The following BAZ1A variants were observed in gnomAD, a reference collection of about 807,000 sequenced individuals.
The protein encoded by BAZ1A is bromodomain adjacent to zinc finger domain protein 1A.
In BAZ1A, 50 loss-of-function variants were observed where a neutral mutation model predicts 185.2. The observed-to-expected ratio is 0.27, with a 90% CI of 0.22 to 0.34. The LOEUF is 0.34. Among genes scored for constraint, BAZ1A ranks in the 10% least tolerant of loss-of-function variants. BAZ1A has a pLI of 1.00. For synonymous variants in BAZ1A, 571 were observed against 615.6 expected (o/e 0.93, Z 1.07); for missense variants, 1,356 against 1,839.9 (o/e 0.74, Z 4.81).
In BAZ1A at chr14:34,794,738, A is replaced by G; in HGVS notation, c.1363+11T>C. On this transcript the variant is annotated intron_variant, in intron 11 of 26. Coordinates refer to ENST00000360310, the MANE Select transcript of BAZ1A (RefSeq NM_013448.3). ...AACTATAATGTAGCAATAGATAACT[A>G]AAGCACTTGCCTAGGGTTACTCCAT... 6.2e-7 allele frequency: 1 copy of G among 1,604,292 alleles called. No homozygotes were observed. Among genetic ancestry groups the G allele is most frequent in the African/African-American group, 1.3e-5 (1 of 74,254 alleles).
chr14:34,773,292 C>G (rs1024463190), intron 20 of BAZ1A, among the ~76,000 whole-genome samples: 1 of 151,594 alleles, frequency 6.6e-6, no homozygotes, highest in Non-Finnish European at 1.5e-5. Context: ...AATTACTTTC[C>G]AAAATTAATA....
chr14:34,788,542 G>A (rs1030179968), intron 12 of BAZ1A, among the ~76,000 whole-genome samples: 1 of 152,022 alleles, frequency 6.6e-6, no homozygotes, highest in Non-Finnish European at 1.5e-5. Context: ...GAGCTCAACT[G>A]ATCCATCTGC....
intron 3 of BAZ1A, among the ~76,000 whole-genome samples, chr14:34,832,215 C>CACACACACACACACACACATATAT: frequency 7.8e-5 from 7 of 89,668 alleles, no homozygotes; most frequent in Non-Finnish European, 1.2e-4. Context: ...CACACACACA[C>CACACACACACACACACACATATAT]ATATATATAT....
At chr14:34,843,065 C>T (rs935574288) in intron 3 of BAZ1A, among the ~76,000 whole-genome samples, 1 of 150,172 alleles carries the variant, frequency 6.7e-6, no homozygotes, top group African/African-American at 2.5e-5. Context: ...CCTAAAATGA[C>T]ATACAGCAAG....
At chr14:34,864,862 C>T (rs1457687817) in intron 2 of BAZ1A, among the ~76,000 whole-genome samples, 2 of 151,654 alleles carry the variant, frequency 1.3e-5, no homozygotes, top group Non-Finnish European at 2.9e-5. Flanking sequence ...CTGCAACCTC[C>T]GCCTCCCAGG....
At chr14:34,829,098 T>C (rs1027569328) in intron 3 of BAZ1A, among the ~76,000 whole-genome samples, 1 of 152,000 alleles carries the variant, frequency 6.6e-6, no homozygotes, top group African/African-American at 2.4e-5. Context: ...AAACCCTGTC[T>C]CTACTAAAAA....
intron 4 of BAZ1A, among the ~76,000 whole-genome samples, chr14:34,818,926 GGTCAGGAGATCGAGAC>G (rs1187773142): frequency 6.6e-6 from 1 of 151,986 alleles, no homozygotes; most frequent in Non-Finnish European, 1.5e-5. Flanking sequence ...CGGATCACGA[GGTCAGGAGATCGAGAC>G]CATCCTGGCT....
intron 24 of BAZ1A, among the ~76,000 whole-genome samples, chr14:34,759,441 T>C (rs967859850): frequency 6.6e-6 from 1 of 152,044 alleles, no homozygotes; most frequent in Non-Finnish European, 1.5e-5. Context: ...CCTCGTGATC[T>C]GCCCGCCTCG....
At chr14:34,844,777 GCACA>G (rs4007479) in intron 3 of BAZ1A, among the ~76,000 whole-genome samples, 18,416 of 86,518 alleles carry the variant, frequency 0.21, 1,305 homozygotes, top group Non-Finnish European at 0.3. Flanking sequence ...ACACACACGC[GCACA>G]CACACACACA....
intron 12 of BAZ1A, among the ~76,000 whole-genome samples, chr14:34,788,563 C>A (rs1251477437): frequency 1.3e-5 from 2 of 152,072 alleles, no homozygotes; most frequent in Non-Finnish European, 2.9e-5. Context: ...CCTGGCTTCC[C>A]GAAGTGCCAG....
At chr14:34,872,941 A>AAACAAAAACAAAAACAAAAACAAC (rs1555346584) in intron 2 of BAZ1A, among the ~76,000 whole-genome samples, 1 of 122,620 alleles carries the variant, frequency 8.2e-6, no homozygotes, top group Non-Finnish European at 1.7e-5. Context: ...AAAAAAAAAA[A>AAACAAAAACAAAAACAAAAACAAC]CTTGTCCAAT....
At chr14:34,768,865 G>C (rs1879029231) in intron 21 of BAZ1A, 1 of 257,290 alleles carries the variant, frequency 3.9e-6, no homozygotes, top group Admixed American at 5.1e-5. Flanking sequence ...AAAAATAACA[G>C]AATTATCAAT....
intron 4 of BAZ1A, among the ~76,000 whole-genome samples, chr14:34,824,518 T>C (rs2042137882): frequency 6.6e-6 from 1 of 151,566 alleles, no homozygotes; most frequent in Non-Finnish European, 1.5e-5. Flanking sequence ...GCTAGTTAGA[T>C]GACCTTGTAC....
Position 34,874,701 on chromosome 14 carries a change from G to A in BAZ1A, c.-58-39C>T. ...AGGGAAAGGAAAGCCGGTAAGGTGG[G>A]GAGCCCTCGGCGGCAGCGTGGGCCG... is the stretch of plus-strand genomic sequence containing the variant. On this transcript the variant is annotated intron_variant, in intron 1 of 26. Transcript: ENST00000360310. This position sits in a 1 kb window ranked among gnomAD's most constrained non-coding sequence, Gnocchi z 4.7. 1 of 1,067,306 alleles carries A rather than the reference G, an allele frequency of 9.4e-7. No homozygotes were observed. The highest frequency in any genetic ancestry group is 1.3e-6 in the Non-Finnish European group (1 of 752,402). 66.1% of individuals were successfully genotyped at this position (1,067,306 alleles called of 1,614,324 possible).
At position 34,874,231 on chromosome 14, in the gene BAZ1A, A is replaced by C; in HGVS notation, c.113+261T>G. The C allele has an allele frequency of 2.5e-5, 10 of 398,396 alleles. No homozygotes were observed. The highest frequency in any genetic ancestry group is 5.6e-5 in the East Asian group (1 of 17,722). 24.7% of individuals were successfully genotyped at this position (398,396 alleles called of 1,614,324 possible). On this transcript the variant is annotated intron_variant, in intron 2 of 26. Transcript: ENST00000360310. The surrounding 1 kb of genome is among the most constrained non-coding windows in gnomAD (Gnocchi z 4.7). ...GGGCGGGAGGGCGACAGCAGCGGCT[A>C]GGAGCGGTCCCCGAGGCCGGCCAGG... is the stretch of plus-strand genomic sequence containing the variant.
In BAZ1A at chr14:34,861,281, G is replaced by A. The variant is rs560806378; in HGVS notation, c.392+763C>T. Reference sequence around the variant, plus strand: ...ATGTCAGTGACTAGCCAATCACAAAGCTTCAGACTTGAGGAAAACATTGAT... The same window carrying A: ...ATGTCAGTGACTAGCCAATCACAAAACTTCAGACTTGAGGAAAACATTGAT... On this transcript the variant is annotated intron_variant, in intron 3 of 26. Coordinates refer to ENST00000360310, the MANE Select transcript of BAZ1A (RefSeq NM_013448.3). Among the ~76,000 whole-genome samples the A allele has an allele frequency of 2.6e-4, 39 of 152,254 alleles. No homozygotes were observed. The South Asian group carries it at 7.9e-3, about 31-fold the overall frequency.
At position 34,761,995 on chromosome 14, in the gene BAZ1A, A is replaced by G; in HGVS notation, c.4005T>C (p.Ser1335=). 6.2e-7 allele frequency: 1 copy of G among 1,614,240 alleles called. No individual in the cohort carries two copies. Among genetic ancestry groups the G allele is most frequent in the Non-Finnish European group, 8.5e-7 (1 of 1,180,046 alleles). The change falls in exon 24 of 27, where the codon TCT becomes TCC. Residue 1335 remains serine, a synonymous_variant. Transcript: ENST00000360310. ...ETKSLRIASR[S]TRHSHGPLQA... is the part of the protein sequence containing the mutation. ...GCAGTGGGCCATGACTGTGGCGAGT[A>G]GAACGACTGGCAATTCTTAAAGATT... is the stretch of plus-strand genomic sequence containing the variant.
rs1879576902 is a variant in BAZ1A, at chr14:34,776,014, T to C, written c.2738A>G (p.His913Arg). ...AGTTTCTTTTAAGGCACTTTCTCTA[T>C]GTCCTCTAGAATTAAGAGCTTCAAT... Reference protein sequence around the residue: ...QLIEALNSRGHRESALKETLL... With the variant: ...QLIEALNSRGRRESALKETLL... The change falls in exon 18 of 27, where the codon CAT becomes CGT. Residue 913 changes from histidine (H) to arginine (R), a missense_variant. By Grantham distance (29) the His-to-Arg change is conservative (BLOSUM62 0). Around this residue, in one of 7 missense-constraint regions of BAZ1A, gnomAD observed 434 missense variants for 561.7 expected, o/e 0.77. Transcript: ENST00000360310. 7.4e-6 allele frequency: 12 copies of C among 1,614,210 alleles called. No homozygotes were observed. The highest frequency in any genetic ancestry group is 9.3e-6 in the Non-Finnish European group (11 of 1,180,002).
intron 11 of BAZ1A, among the ~76,000 whole-genome samples, chr14:34,793,550 T>C (rs1880986436): frequency 1.3e-5 from 2 of 152,246 alleles, no homozygotes; most frequent in African/African-American, 4.8e-5. Flanking sequence ...GGCTCACGCC[T>C]GTAATCCCAG....
Sources: allele counts gnomAD v4.1 joint callset (sites outside exome capture counted in the v4.1 genomes callset), GRCh38; gene constraint gnomAD v4.1.1; regional missense constraint gnomAD v4.1.1; non-coding constraint Gnocchi (gnomAD v3.1); transcripts MANE v1.5; gene names NCBI Gene and HGNC (gene_info 2026-07-23, HGNC 2026-07-21).